WWOX: variants seen among roughly 807,000 people sequenced by gnomAD.
The protein encoded by WWOX is WW domain-containing oxidoreductase.
A neutral mutation model predicts 46.2 loss-of-function variants in WWOX; 69 were observed. That is an observed-to-expected ratio of 1.49 (90% CI 1.23 to 1.82). WWOX has a LOEUF of 1.82. Among genes scored for constraint, WWOX ranks in the 40% most tolerant of loss-of-function variants. The pLI is 0.00. For missense variants in WWOX, 919 were observed against 542.6 expected (o/e 1.69, Z -6.89); for synonymous variants, 359 against 202.6 (o/e 1.77, Z -6.56).
intron 8 of WWOX, among the ~76,000 whole-genome samples, chr16:78,574,422 C>A (rs1183960472): frequency 6.6e-6 from 1 of 152,064 alleles, no homozygotes; most frequent in East Asian, 1.9e-4. Context: ...AGTATCTTCT[C>A]TCCTCTTTGC....
At chr16:78,528,259 C>G (rs1208884954) in intron 8 of WWOX, among the ~76,000 whole-genome samples, 1 of 147,882 alleles carries the variant, frequency 6.8e-6, no homozygotes, top group Admixed American at 6.8e-5. Flanking sequence ...CGTAATCCGC[C>G]CACCTCGGCC....
intron 8 of WWOX, among the ~76,000 whole-genome samples, chr16:78,928,066 G>A (rs1249624374): frequency 6.6e-6 from 1 of 152,006 alleles, no homozygotes; most frequent in East Asian, 1.9e-4. Context: ...CTCAGATCCT[G>A]GATACTGTGG....
chr16:78,262,624 A>C (rs1407385232), intron 5 of WWOX, among the ~76,000 whole-genome samples: 2 of 152,098 alleles, frequency 1.3e-5, no homozygotes, highest in African/African-American at 4.8e-5. Flanking sequence ...CATGAAGTAT[A>C]ATCTAATGAG....
At chr16:78,107,054 G>A (rs2032191621) in intron 1 of WWOX, among the ~76,000 whole-genome samples, 2 of 152,218 alleles carry the variant, frequency 1.3e-5, no homozygotes, top group South Asian at 4.1e-4. Context: ...GAATTTTTTA[G>A]AAAATTCGTG....
intron 8 of WWOX, among the ~76,000 whole-genome samples, chr16:78,848,857 C>T (rs560811119): frequency 6.6e-6 from 1 of 151,514 alleles, no homozygotes; most frequent in East Asian, 1.9e-4. Context: ...TCTGTATTTC[C>T]TTAATGACCC....
chr16:78,594,970 C>A (rs999500377), intron 8 of WWOX, among the ~76,000 whole-genome samples: 3 of 152,198 alleles, frequency 2.0e-5, no homozygotes, highest in African/African-American at 7.2e-5. Context: ...TTCACAATAA[C>A]CCTATCCTTA....
intron 8 of WWOX, among the ~76,000 whole-genome samples, chr16:78,650,229 G>A (rs900749189): frequency 6.6e-6 from 1 of 152,172 alleles, no homozygotes. Context: ...ACTACATACA[G>A]TGACCATAGT....
Position 78,988,635 on chromosome 16 carries a change from G to C in WWOX, c.1057-222973G>C, listed in dbSNP as rs9931916. On this transcript the variant is annotated intron_variant, in intron 8 of 8. Coordinates refer to ENST00000566780, the MANE Select transcript of WWOX (RefSeq NM_016373.4). ...GCTAGAAACCAGATGGCAAAAGGAA[G>C]TTACTGATGTGTTCATATTGGTCAA... 7.1e-3 allele frequency among the ~76,000 whole-genome samples: 1,079 copies of C among 152,324 alleles called. 14 individuals carry two copies. Among genetic ancestry groups the C allele is most frequent in the African/African-American group, 0.022 (926 of 41,588 alleles).
rs538382732 is a variant in WWOX, at chr16:78,981,528, T to A, written c.1057-230080T>A. 8.3e-4 allele frequency among the ~76,000 whole-genome samples: 126 copies of A among 151,998 alleles called. No individual in the cohort carries two copies. In the Middle Eastern group the frequency reaches 0.017, roughly 21 times the overall value. ...TCTGGGCTCACTGCAACCTCCACTT[T>A]CCGGGTTCAGGTGATTCTCCTGCCT... On this transcript the variant is annotated intron_variant, in intron 8 of 8. Transcript: ENST00000566780.
chr16:78,692,309 A>G lies in WWOX; in HGVS notation c.1056+259557A>G, dbSNP rs184304014. Among the ~76,000 whole-genome samples the G allele has an allele frequency of 3.5e-3, 538 of 152,322 alleles. 11 individuals are homozygous for G. Among genetic ancestry groups the G allele is most frequent in the Non-Finnish European group, 6.3e-4 (43 of 68,032 alleles). On this transcript the variant is annotated intron_variant, in intron 8 of 8. Coordinates refer to ENST00000566780, the MANE Select transcript of WWOX (RefSeq NM_016373.4). The stretch of plus-strand genomic sequence containing the variant: ...TTTTGTTTTCCAATTCCTTTTGAAC[A>G]TTTGAAAGGTTTTCTGAAAGGACTT...
chr16:78,511,393 C>G (rs2085356967), intron 8 of WWOX, among the ~76,000 whole-genome samples: 1 of 152,142 alleles, frequency 6.6e-6, no homozygotes, highest in South Asian at 2.1e-4. Flanking sequence ...CAGAAACGTC[C>G]AGCTGAAAAC....
At chr16:78,565,322 A>T (rs116720035) in intron 8 of WWOX, among the ~76,000 whole-genome samples, 2 of 152,198 alleles carry the variant, frequency 1.3e-5, no homozygotes, top group Admixed American at 1.3e-4. Flanking sequence ...CCTGGTCAAG[A>T]TGTCAGTAGG....
chr16:79,054,950 C>T (rs1383902849), intron 8 of WWOX, among the ~76,000 whole-genome samples: 9 of 152,162 alleles, frequency 5.9e-5, no homozygotes, highest in Non-Finnish European at 1.2e-4. Context: ...GTGAGATTTT[C>T]TGTATTTTGA....
intron 8 of WWOX, among the ~76,000 whole-genome samples, chr16:78,946,126 C>G (rs1414943715): frequency 6.6e-6 from 1 of 152,160 alleles, no homozygotes; most frequent in East Asian, 1.9e-4. Flanking sequence ...GTTAATTTTA[C>G]TTTAATTCCC....
chr16:78,467,956 C>G (rs2084120278), intron 8 of WWOX, among the ~76,000 whole-genome samples: 2 of 152,114 alleles, frequency 1.3e-5, no homozygotes, highest in Admixed American at 1.3e-4. Flanking sequence ...TTGTGTGTTT[C>G]TGACATCTGT....
intron 6 of WWOX, among the ~76,000 whole-genome samples, chr16:78,414,516 C>T (rs1388644648): frequency 6.6e-6 from 1 of 152,176 alleles, no homozygotes; most frequent in Non-Finnish European, 1.5e-5. Context: ...TTGCAGTGAG[C>T]CAATTGCGCC....
chr16:78,574,722 G>C (rs1296914302), intron 8 of WWOX, among the ~76,000 whole-genome samples: 2 of 151,472 alleles, frequency 1.3e-5, no homozygotes, highest in Non-Finnish European at 2.9e-5. Flanking sequence ...CATATGATCT[G>C]ACTAACAATG....
intron 5 of WWOX, among the ~76,000 whole-genome samples, chr16:78,382,557 T>A (rs1019448683): frequency 1.1e-4 from 17 of 152,200 alleles, no homozygotes; most frequent in Admixed American, 2.0e-4. Flanking sequence ...TGAGCCATGC[T>A]AAGGAATTCA....
chr16:79,060,366 G>A (rs1278929936), intron 8 of WWOX, among the ~76,000 whole-genome samples: 1 of 152,236 alleles, frequency 6.6e-6, no homozygotes. Context: ...TTTGGCCACT[G>A]GCCGTTAATT....
Sources: gnomAD v4.1 joint callset for allele counts (sites outside exome capture counted in the v4.1 genomes callset) on GRCh38, gnomAD v4.1.1 for gene constraint, MANE v1.5 for transcripts, NCBI Gene and HGNC (gene_info 2026-07-23, HGNC 2026-07-21) for gene names.